The following NEDD4 variants were observed in gnomAD, a reference collection of about 807,000 sequenced individuals.
NEDD4 encodes the protein E3 ubiquitin-protein ligase NEDD4.
Under a neutral mutation model 144.9 loss-of-function variants are expected in NEDD4, and 99 were observed. That is an observed-to-expected ratio of 0.68 (90% CI 0.58 to 0.81). The LOEUF is 0.81. Ranked by LOEUF, NEDD4 falls within the 30% of genes least tolerant of loss-of-function variation. The pLI, the probability that NEDD4 is intolerant of heterozygous loss-of-function variation, is 0.00. For synonymous variants in NEDD4, 318 were observed against 350.6 expected, an observed-to-expected ratio of 0.91 and a Z score of 1.04; for missense variants, 985 against 1,065.9, an observed-to-expected ratio of 0.92 and a Z score of 1.06.
chr15:55,917,204 A>T, intron 5 of NEDD4: 1 of 446,986 alleles, frequency 2.2e-6, no homozygotes, highest in Non-Finnish European at 2.7e-6. Flanking sequence ...TAACACAAGA[A>T]CAACAATCTT....
At position 55,983,244 on chromosome 15, in the gene NEDD4, A is replaced by T. The variant is rs775775742; in HGVS notation, c.45+10267T>A. Reference sequence around the variant, plus strand: ...AACAAATGTTAAGCATATGAGGAACAAATATTAACTATGAAAAATAATGTT... The same window carrying T: ...AACAAATGTTAAGCATATGAGGAACTAATATTAACTATGAAAAATAATGTT... On this transcript the variant is annotated intron_variant, in intron 1 of 28. Coordinates refer to ENST00000435532, the MANE Select transcript of NEDD4 (RefSeq NM_006154.4). Among the ~76,000 whole-genome samples, 28 of 151,484 alleles carry T rather than the reference A, an allele frequency of 1.8e-4. 1 individual carries two copies. Among genetic ancestry groups the T allele is most frequent in the Non-Finnish European group, 2.4e-4 (16 of 67,608 alleles).
At chr15:55,917,464 AT>A (rs11341291) in intron 5 of NEDD4, among the ~76,000 whole-genome samples, 39,232 of 148,770 alleles carry the variant, frequency 0.26, 5,297 homozygotes, top group Admixed American at 0.31. Flanking sequence ...GGGACTGTTA[AT>A]TTTTTTTTTT....
At chr15:55,863,163 G>T in intron 8 of NEDD4, 84 bp from the exon 9 acceptor site, 2 of 1,197,234 alleles carry the variant, frequency 1.7e-6, no homozygotes, top group Non-Finnish European at 2.2e-6. Context: ...TTTAAAAAGA[G>T]ATTTATTATA....
intron 2 of NEDD4, 68 bp downstream of exon 2, chr15:55,966,405 C>A (rs1595880223): frequency 1.0e-6 from 1 of 957,558 alleles, no homozygotes. Context: ...CTAATTTAAC[C>A]AAAGTTTGGA....
chr15:55,935,771 C>T (rs768501604), intron 4 of NEDD4, among the ~76,000 whole-genome samples: 3 of 145,966 alleles, frequency 2.1e-5, no homozygotes, highest in Admixed American at 7.2e-5. Flanking sequence ...CATTTGAATC[C>T]GGGAGGCAGA....
intron 8 of NEDD4, among the ~76,000 whole-genome samples, chr15:55,869,116 A>C (rs1194429824): frequency 6.6e-6 from 1 of 152,172 alleles, no homozygotes. Context: ...CTTGCCCCAC[A>C]TACAGAAGGC....
chr15:55,836,776 C>A (rs1320403625), intron 24 of NEDD4, among the ~76,000 whole-genome samples: 4 of 152,152 alleles, frequency 2.6e-5, no homozygotes, highest in Admixed American at 6.5e-5. Context: ...AATCTGCCCA[C>A]CTCGGACTCC....
downstream of NEDD4, chr15:55,826,919 T>G (rs2032722398): frequency 6.6e-6 from 1 of 152,218 alleles, no homozygotes; most frequent in Admixed American, 6.5e-5. Flanking sequence ...AACCACAGTT[T>G]TGTTTTGTTT....
intron 12 of NEDD4, among the ~76,000 whole-genome samples, chr15:55,854,304 G>A (rs187186023): frequency 1.3e-5 from 2 of 152,082 alleles, no homozygotes; most frequent in South Asian, 2.1e-4. Flanking sequence ...CTAAATACAC[G>A]GGAGTCCTAC....
intron 4 of NEDD4, among the ~76,000 whole-genome samples, chr15:55,935,552 G>A (rs1209555184): frequency 6.6e-6 from 1 of 151,826 alleles, no homozygotes; most frequent in Non-Finnish European, 1.5e-5. Context: ...TTTTTTAAAG[G>A]GATACTCAGC....
At chr15:55,851,267 G>T (rs1475021740) in intron 13 of NEDD4, among the ~76,000 whole-genome samples, 1 of 152,162 alleles carries the variant, frequency 6.6e-6, no homozygotes, top group Non-Finnish European at 1.5e-5. Context: ...TGGAATATTA[G>T]TAGTTAAGAG....
At chr15:55,890,757 A>T (rs2035545776) in intron 5 of NEDD4, among the ~76,000 whole-genome samples, 1 of 152,186 alleles carries the variant, frequency 6.6e-6, no homozygotes, top group African/African-American at 2.4e-5. Context: ...ATCATTTTAC[A>T]TTTCTATCAG....
At chr15:55,982,335 G>T (rs80025455) in intron 1 of NEDD4, among the ~76,000 whole-genome samples, 1 of 151,920 alleles carries the variant, frequency 6.6e-6, no homozygotes, top group Non-Finnish European at 1.5e-5. Flanking sequence ...GTTCACCGTA[G>T]GTTTATTCAT....
At chr15:55,966,057 A>G (rs1420465756) in intron 2 of NEDD4, among the ~76,000 whole-genome samples, 1 of 152,190 alleles carries the variant, frequency 6.6e-6, no homozygotes, top group Admixed American at 6.5e-5. Flanking sequence ...AGACCAATTC[A>G]TAGTATCAGG....
At chr15:55,905,549 C>G (rs2036062465) in intron 5 of NEDD4, among the ~76,000 whole-genome samples, 1 of 152,066 alleles carries the variant, frequency 6.6e-6, no homozygotes, top group African/African-American at 2.4e-5. Context: ...CAACATAGGA[C>G]CTGAAACAAA....
intron 2 of NEDD4, among the ~76,000 whole-genome samples, chr15:55,957,737 G>A (rs1221745846): frequency 6.6e-6 from 1 of 152,152 alleles, no homozygotes; most frequent in Non-Finnish European, 1.5e-5. Flanking sequence ...GTCCATCAAT[G>A]ATAGACTGGA....
At position 55,852,416 on chromosome 15, in the gene NEDD4, C is replaced by CA; in HGVS notation, c.1146+7dup. On this transcript the variant is annotated splice_region_variant and intron_variant, in intron 13 of 28. Transcript: ENST00000435532. ...TGTAAGAAAGCAAGTTGATAGATTA[C>CA]AGGATACCTGTACAGTGGGCTTTGT... 6.2e-7 allele frequency: 1 copy of CA among 1,603,586 alleles called. No homozygotes were observed. The highest frequency in any genetic ancestry group is 8.5e-7 in the Non-Finnish European group (1 of 1,174,244).
chr15:55,931,631 A>C (rs1595855369), intron 4 of NEDD4, among the ~76,000 whole-genome samples: 2 of 152,324 alleles, frequency 1.3e-5, no homozygotes, highest in South Asian at 2.1e-4. Context: ...GTTTTCCAAA[A>C]AGAACAAAGG....
At chr15:55,876,853 T>C (rs1170145482) in intron 5 of NEDD4, among the ~76,000 whole-genome samples, 1 of 152,086 alleles carries the variant, frequency 6.6e-6, no homozygotes, top group Non-Finnish European at 1.5e-5. Context: ...TTTTCTTTTT[T>C]TTTCACTTTT....
Sources: gnomAD v4.1 joint callset for allele counts (sites outside exome capture counted in the v4.1 genomes callset) on GRCh38, gnomAD v4.1.1 for gene constraint, MANE v1.5 for transcripts, NCBI Gene and HGNC (gene_info 2026-07-23, HGNC 2026-07-21) for gene names.